Variants in SEPTIN9 observed in about 807,000 individuals in gnomAD.
The protein encoded by SEPTIN9 is septin 9, also known as septin-9.
In SEPTIN9, 13 loss-of-function variants were observed where a neutral mutation model predicts 56.6. The observed-to-expected ratio is 0.23, with a 90% CI of 0.15 to 0.37. SEPTIN9 has a LOEUF of 0.37. Ranked by LOEUF, SEPTIN9 falls within the 10% of genes least tolerant of loss-of-function variation. The probability of loss-of-function intolerance (pLI) is 1.00; values close to 1 mark genes in which losing one functional copy is unlikely to be tolerated. For synonymous variants in SEPTIN9, 332 were observed against 334.1 expected, an observed-to-expected ratio of 0.99 and a Z score of 0.07; for missense variants, 650 against 823.1, an observed-to-expected ratio of 0.79 and a Z score of 2.57.
intron 3 of SEPTIN9, 27 bp from the exon 4 acceptor site, chr17:77,482,117 C>G: frequency 6.5e-7 from 1 of 1,542,398 alleles, no homozygotes; most frequent in Non-Finnish European, 8.7e-7. Context: ...CTGTTCCGCT[C>G]TAACTCCTCT....
intron 2 of SEPTIN9, among the ~76,000 whole-genome samples, chr17:77,380,979 C>T (rs1048774486): frequency 2.6e-5 from 4 of 152,204 alleles, no homozygotes; most frequent in African/African-American, 9.7e-5. Flanking sequence ...GAGCCCTTTG[C>T]AGCCTGTGGC....
intron 2 of SEPTIN9, among the ~76,000 whole-genome samples, chr17:77,390,052 G>A (rs1330214304): frequency 6.6e-6 from 1 of 152,124 alleles, no homozygotes; most frequent in Non-Finnish European, 1.5e-5. Context: ...CCTTCGTCCC[G>A]GATCAGTCGC....
chr17:77,301,394 TTGTGTGTGTG>T (rs56947697), intron 1 of SEPTIN9, among the ~76,000 whole-genome samples: 58,287 of 142,368 alleles, frequency 0.41, 12,819 homozygotes, highest in East Asian at 0.68. Flanking sequence ...GGGAATAGAT[TTGTGTGTGTG>T]TGTGTGTGTG....
At chr17:77,325,012 T>A (rs1034275172) in intron 2 of SEPTIN9, among the ~76,000 whole-genome samples, 1 of 151,878 alleles carries the variant, frequency 6.6e-6, no homozygotes, top group Non-Finnish European at 1.5e-5. Context: ...AGAGACGGGG[T>A]TTCACTGTGT....
chr17:77,342,390 G>A (rs760087021), intron 2 of SEPTIN9, among the ~76,000 whole-genome samples: 2 of 152,152 alleles, frequency 1.3e-5, no homozygotes, highest in Non-Finnish European at 2.9e-5. Flanking sequence ...CTTTATGTTC[G>A]CCATCTCCCT....
intron 2 of SEPTIN9, among the ~76,000 whole-genome samples, chr17:77,388,752 G>A (rs2035426314): frequency 6.6e-6 from 1 of 150,546 alleles, no homozygotes; most frequent in African/African-American, 2.4e-5. Flanking sequence ...CCACAACACA[G>A]AGAGCCCCGT....
At chr17:77,376,507 C>A in intron 2 of SEPTIN9, 1 of 646,794 alleles carries the variant, frequency 1.5e-6, no homozygotes, top group Non-Finnish European at 1.9e-6. Context: ...ATGTGGGTTG[C>A]TGAGGGGCGG....
At chr17:77,477,768 G>A (rs1246616864) in intron 3 of SEPTIN9, among the ~76,000 whole-genome samples, 2 of 152,194 alleles carry the variant, frequency 1.3e-5, no homozygotes, top group East Asian at 1.9e-4. Context: ...TCCCAGCTGC[G>A]GAGCCGGGAG....
intron 3 of SEPTIN9, among the ~76,000 whole-genome samples, chr17:77,407,749 C>T (rs2036142659): frequency 6.6e-6 from 1 of 152,242 alleles, no homozygotes; most frequent in Non-Finnish European, 1.5e-5. Flanking sequence ...GGCCCTGCCC[C>T]TGGACTTGGC....
rs567970222 is a variant in SEPTIN9 at position 77,330,625 on chromosome 17, C to T, written c.76+23428C>T. Among the ~76,000 whole-genome samples the T allele has an allele frequency of 2.6e-5, 4 of 152,324 alleles. No homozygotes were observed. The South Asian group carries it at 8.3e-4, about 32-fold the overall frequency. ...GTCGGGAGTGGGGGCACCTGTGCAG[C>T]TCACCCTGCAGAACAGACAATTTGG... On this transcript the variant is annotated intron_variant, in intron 2 of 11. Transcript: ENST00000427177. This position sits in a 1 kb window ranked among gnomAD's most constrained non-coding sequence, Gnocchi z 4.4.
chr17:77,483,979 C>G (rs954792068), intron 4 of SEPTIN9: 1 of 152,306 alleles, frequency 6.6e-6, no homozygotes, highest in Non-Finnish European at 1.5e-5. Flanking sequence ...GTCCACAGAC[C>G]CCGGGGAGAA....
chr17:77,302,324 A>C (rs2032085479), intron 1 of SEPTIN9, among the ~76,000 whole-genome samples: 1 of 151,884 alleles, frequency 6.6e-6, no homozygotes, highest in Non-Finnish European at 1.5e-5. Flanking sequence ...AAAGACCTTC[A>C]TGCTCTATGT....
chr17:77,334,145 G>A lies in SEPTIN9; in HGVS notation c.76+26948G>A, dbSNP rs559506237. 4.6e-5 allele frequency among the ~76,000 whole-genome samples: 7 copies of A among 152,090 alleles called. No individual in the cohort carries two copies. The South Asian group carries it at 8.3e-4, about 18-fold the overall frequency. On this transcript the variant is annotated intron_variant, in intron 2 of 11. Coordinates refer to ENST00000427177, the MANE Select transcript of SEPTIN9 (RefSeq NM_001113491.2). ...GTCTCATTTAAAAAAAAAATTGGCC[G>A]GGCACAGTGGCTCACGCCTGTAATC...
intron 3 of SEPTIN9, among the ~76,000 whole-genome samples, chr17:77,415,993 C>T (rs749664675): frequency 1.4e-4 from 21 of 152,188 alleles, no homozygotes; most frequent in Non-Finnish European, 2.8e-4. Context: ...GTATTTAATG[C>T]AGTATTTTTC....
chr17:77,497,368 T>TGA lies in SEPTIN9; in HGVS notation c.1625+7_1625+8dup. Reference sequence around the variant, plus strand: ...CTACCTGCGGGACCTTCTCATCAGGTGAGAGACAGGGTGCTTGGGTGGGGC... The same window carrying TGA: ...CTACCTGCGGGACCTTCTCATCAGGTGAGAGAGACAGGGTGCTTGGGTGGGGC... On this transcript the variant is annotated splice_region_variant and intron_variant, in intron 11 of 11. Transcript: ENST00000427177. The TGA allele has an allele frequency of 6.2e-7, 1 of 1,613,546 alleles. No homozygotes were observed.
intron 2 of SEPTIN9, among the ~76,000 whole-genome samples, chr17:77,398,042 T>C (rs534078801): frequency 6.7e-6 from 1 of 150,158 alleles, no homozygotes; most frequent in South Asian, 2.1e-4. Flanking sequence ...GGTGTGATCA[T>C]GGCTCACTGC....
intron 3 of SEPTIN9, chr17:77,426,890 G>A (rs1441494049): frequency 6.6e-6 from 1 of 152,250 alleles, no homozygotes; most frequent in Non-Finnish European, 1.5e-5. Context: ...CACAAAGGAG[G>A]GAAGCCTCTG....
At chr17:77,460,366 G>T (rs2038413803) in intron 3 of SEPTIN9, among the ~76,000 whole-genome samples, 1 of 152,116 alleles carries the variant, frequency 6.6e-6, no homozygotes, top group Non-Finnish European at 1.5e-5. Flanking sequence ...GCTCACCGTG[G>T]TGCTCCCCGA....
chr17:77,320,786 G>C (rs566785890), intron 2 of SEPTIN9, among the ~76,000 whole-genome samples: 8 of 152,328 alleles, frequency 5.3e-5, no homozygotes, highest in African/African-American at 1.9e-4. Context: ...AGGCTGCCTC[G>C]GTCTCCTACC....
Sources: gnomAD v4.1 joint callset for allele counts (sites outside exome capture counted in the v4.1 genomes callset) on GRCh38, gnomAD v4.1.1 for gene constraint, Gnocchi (gnomAD v3.1) non-coding constraint, MANE v1.5 for transcripts, NCBI Gene and HGNC (gene_info 2026-07-23, HGNC 2026-07-21) for gene names.